Variants in PTPN4 observed in about 807,000 individuals in gnomAD.
The protein encoded by PTPN4 is tyrosine-protein phosphatase non-receptor type 4.
In PTPN4, 49 loss-of-function variants were observed where a neutral mutation model predicts 135.5. That is an observed-to-expected ratio of 0.36 (90% CI 0.29 to 0.46). PTPN4 has a LOEUF of 0.46. Among genes scored for constraint, PTPN4 ranks in the 20% least tolerant of loss-of-function variants. PTPN4 has a pLI of 1.00. For missense variants in PTPN4, 860 were observed against 1,101.0 expected (o/e 0.78, Z 3.10); for synonymous variants, 333 against 369.9 (o/e 0.90, Z 1.14).
At chr2:119,868,618 G>A (rs548689990) in intron 3 of PTPN4, among the ~76,000 whole-genome samples, 22 of 152,288 alleles carry the variant, frequency 1.4e-4, no homozygotes, top group African/African-American at 1.9e-4. Context: ...CACCCAGGGC[G>A]GAAAACCGCT....
intron 13 of PTPN4, among the ~76,000 whole-genome samples, chr2:119,930,098 C>T (rs1678882182): frequency 6.6e-6 from 1 of 151,968 alleles, no homozygotes; most frequent in African/African-American, 2.4e-5. Context: ...ATTTGCACTG[C>T]AATATGAGGG....
intron 1 of PTPN4, among the ~76,000 whole-genome samples, chr2:119,806,203 G>A (rs906115189): frequency 3.3e-5 from 5 of 152,126 alleles, no homozygotes; most frequent in Middle Eastern, 3.2e-3. Context: ...ACATCATAAC[G>A]ATGGGATCAA....
chr2:119,761,359 A>G (rs1253424418), intron 1 of PTPN4, among the ~76,000 whole-genome samples: 2 of 152,200 alleles, frequency 1.3e-5, no homozygotes, highest in Non-Finnish European at 2.9e-5. Flanking sequence ...ATTTTTTTTC[A>G]ATTTTAAGGG....
At chr2:119,774,853 C>A (rs1056705663) in intron 1 of PTPN4, among the ~76,000 whole-genome samples, 2 of 151,708 alleles carry the variant, frequency 1.3e-5, no homozygotes, top group Admixed American at 6.6e-5. Flanking sequence ...GGTGAAACCC[C>A]GTCTACTAAA....
chr2:119,947,166 G>A (rs1260235677), intron 18 of PTPN4, among the ~76,000 whole-genome samples: 1 of 152,050 alleles, frequency 6.6e-6, no homozygotes, highest in East Asian at 1.9e-4. Flanking sequence ...TATATAACAA[G>A]TATTGCTTTC....
chr2:119,924,874 T>A (rs1288824299), intron 12 of PTPN4, among the ~76,000 whole-genome samples: 1 of 152,140 alleles, frequency 6.6e-6, no homozygotes, highest in Non-Finnish European at 1.5e-5. Context: ...AAAAGCAATT[T>A]AATTGAGGAA....
Position 119,885,842 on chromosome 2 carries a change from G to T in PTPN4, c.635G>T (p.Arg212Leu). ...EAEFNYLNTA[R>L]TLELYGVEFH... ...GAATTTAATTACCTAAACACAGCAC[G>T]TACCTTAGAACTCTATGGAGTTGAA... Residue 212 changes from arginine to leucine, a missense_variant, in exon 9 of 27, where the codon CGT becomes CTT. Coordinates refer to ENST00000263708, the MANE Select transcript of PTPN4 (RefSeq NM_002830.4). 6.2e-7 allele frequency: 1 copy of T among 1,605,332 alleles called. No homozygotes were observed. Among genetic ancestry groups the T allele is most frequent in the African/African-American group, 1.3e-5 (1 of 74,628 alleles).
At chr2:119,936,692 A>T (rs1299810960) in intron 15 of PTPN4, among the ~76,000 whole-genome samples, 1 of 152,192 alleles carries the variant, frequency 6.6e-6, no homozygotes, top group Non-Finnish European at 1.5e-5. Context: ...ATGAGAATGG[A>T]CTAATACATT....
intron 2 of PTPN4, among the ~76,000 whole-genome samples, chr2:119,843,098 C>T (rs1441664067): frequency 1.3e-5 from 2 of 151,968 alleles, no homozygotes; most frequent in Non-Finnish European, 2.9e-5. Flanking sequence ...TGTGACTTTT[C>T]ATTAGCCTGT....
chr2:119,780,184 G>C (rs1335309386), intron 1 of PTPN4, among the ~76,000 whole-genome samples: 1 of 151,880 alleles, frequency 6.6e-6, no homozygotes, highest in Non-Finnish European at 1.5e-5. Context: ...TTGCTTTCTT[G>C]CTCTCTCTTT....
intron 15 of PTPN4, among the ~76,000 whole-genome samples, chr2:119,943,585 T>TC (rs1224391296): frequency 6.3e-5 from 8 of 127,948 alleles, no homozygotes; most frequent in East Asian, 4.4e-4. Context: ...TTTTTCTTTT[T>TC]TTTTTTTTTT....
intron 23 of PTPN4, among the ~76,000 whole-genome samples, chr2:119,961,318 C>T (rs987348062): frequency 3.3e-5 from 5 of 152,096 alleles, no homozygotes; most frequent in Admixed American, 2.0e-4. Flanking sequence ...AAGAAGCACA[C>T]GAAAAGGTGC....
At chr2:119,774,463 C>T (rs1690794033) in intron 1 of PTPN4, among the ~76,000 whole-genome samples, 1 of 152,120 alleles carries the variant, frequency 6.6e-6, no homozygotes, top group Non-Finnish European at 1.5e-5. Context: ...TTGTGAAATA[C>T]CTTTTTATCT....
chr2:119,845,025 C>G (rs1220787088), intron 2 of PTPN4, among the ~76,000 whole-genome samples: 2 of 149,532 alleles, frequency 1.3e-5, no homozygotes, highest in South Asian at 4.2e-4. Flanking sequence ...CCGAGGTTGG[C>G]GGATCACTCG....
chr2:119,922,070 CA>C (rs1678744837), intron 12 of PTPN4, among the ~76,000 whole-genome samples: 1 of 152,068 alleles, frequency 6.6e-6, no homozygotes, highest in African/African-American at 2.4e-5. Flanking sequence ...TTACCCAAAC[CA>C]TACCAAAGCA....
In PTPN4 at chr2:119,902,979, G is replaced by A. The variant is rs560114135; in HGVS notation, c.764+2173G>A. ...CCATCAGAATACATCCTGCAGTGAG[G>A]CCCAGTAGCTCCTGCATTTCCCCAC... On this transcript the variant is annotated intron_variant, in intron 10 of 26. Coordinates refer to ENST00000263708, the MANE Select transcript of PTPN4 (RefSeq NM_002830.4). Among the ~76,000 whole-genome samples, 5 of 152,200 alleles carry A rather than the reference G, an allele frequency of 3.3e-5. No individual in the cohort carries two copies. In the South Asian group the frequency reaches 8.3e-4, roughly 25 times the overall value.
At position 119,920,062 on chromosome 2, in the gene PTPN4, A is replaced by G; in HGVS notation, c.829-7A>G. ...TGGTATTCTCTGCATTTTGTCATTT[A>G]TTACAGCATGAATCTAGAGAAACAT... On this transcript the variant is annotated splice_polypyrimidine_tract_variant and splice_region_variant and intron_variant, in intron 11 of 26. Coordinates refer to ENST00000263708, the MANE Select transcript of PTPN4 (RefSeq NM_002830.4). 6.3e-7 allele frequency: 1 copy of G among 1,597,220 alleles called. No homozygotes were observed. The highest frequency in any genetic ancestry group is 8.5e-7 in the Non-Finnish European group (1 of 1,173,056).
rs1205787642 is a variant in PTPN4, at chr2:119,844,170, C to T, written c.139-18366C>T. On this transcript the variant is annotated intron_variant, in intron 2 of 26. Transcript: ENST00000263708. ...CGGGGGGCCGACGCCCCCCACCTCC[C>T]TCCCGGACGGGGCGGCTGGCCGGGC... Among the ~76,000 whole-genome samples the T allele has an allele frequency of 1.1e-4, 12 of 112,384 alleles. No individual in the cohort carries two copies. The Admixed American group carries it at 1.1e-3, about 10-fold the overall frequency. 73.7% of individuals were successfully genotyped at this position (112,384 alleles called of 152,430 possible).
chr2:119,918,146 T>G (rs1441310975), intron 11 of PTPN4, among the ~76,000 whole-genome samples: 1 of 152,216 alleles, frequency 6.6e-6, no homozygotes, highest in Non-Finnish European at 1.5e-5. Flanking sequence ...TTAACCATAA[T>G]TAAGACAATT....
Sources: gnomAD v4.1 joint callset for allele counts (sites outside exome capture counted in the v4.1 genomes callset) on GRCh38, gnomAD v4.1.1 for gene constraint, MANE v1.5 for transcripts, NCBI Gene and HGNC (gene_info 2026-07-23, HGNC 2026-07-21) for gene names.